ZZZ3: variants seen among roughly 807,000 people sequenced by gnomAD.
ZZZ3 encodes the protein ZZ-type zinc finger-containing protein 3.
ZZZ3 carries 22 observed loss-of-function variants against 95.2 expected under a neutral mutation model. That is an observed-to-expected ratio of 0.23 (90% CI 0.17 to 0.33). The LOEUF is 0.33. ZZZ3 is among the 10% of genes least tolerant of loss of function. The pLI, the probability that ZZZ3 is intolerant of heterozygous loss-of-function variation, is 1.00. For synonymous variants in ZZZ3, 335 were observed against 358.9 expected (o/e 0.93, Z 0.75); for missense variants, 885 against 1,066.5 (o/e 0.83, Z 2.37).
chr1:77,682,263 T>C (rs982129546), intron 1 of ZZZ3, among the ~76,000 whole-genome samples: 3 of 152,176 alleles, frequency 2.0e-5, no homozygotes, highest in African/African-American at 4.8e-5. Flanking sequence ...TGGAATACTT[T>C]AGAAAATGGC....
At chr1:77,611,699 T>C (rs1348419130) in intron 5 of ZZZ3, among the ~76,000 whole-genome samples, 3 of 152,038 alleles carry the variant, frequency 2.0e-5, no homozygotes, top group African/African-American at 7.2e-5. Context: ...AGTCAATTGG[T>C]CTTTGACAAA....
At chr1:77,665,724 GAA>G (rs1671186058) in intron 1 of ZZZ3, among the ~76,000 whole-genome samples, 1 of 152,114 alleles carries the variant, frequency 6.6e-6, no homozygotes, top group East Asian at 1.9e-4. Context: ...TAAAGCTAGA[GAA>G]AATATAAAAT....
At chr1:77,616,122 G>A (rs529537382) in intron 5 of ZZZ3, among the ~76,000 whole-genome samples, 1 of 152,120 alleles carries the variant, frequency 6.6e-6, no homozygotes, top group East Asian at 1.9e-4. Flanking sequence ...CCCTGCTCTT[G>A]AGGAAATCAT....
chr1:77,576,519 G>T (rs1037571801), intron 11 of ZZZ3, among the ~76,000 whole-genome samples: 1 of 152,044 alleles, frequency 6.6e-6, no homozygotes, highest in African/African-American at 2.4e-5. Flanking sequence ...TCAAATGCTG[G>T]CTGCACTGAA....
Position 77,639,511 on chromosome 1 carries a change from T to C in ZZZ3, c.-114A>G, listed in dbSNP as rs1356386445. ...CTCTTTTCCTTATATCCTGAAGGAG[T>C]TGGAGCTATGATCTAGAATGGAGCT... On this transcript the variant is annotated 5_prime_UTR_variant, in exon 4 of 15. Transcript: ENST00000370801. 1 of 1,465,982 alleles carries C rather than the reference T, an allele frequency of 6.8e-7. No homozygotes were observed. The highest frequency in any genetic ancestry group is 9.1e-7 in the Non-Finnish European group (1 of 1,101,014). 90.8% of individuals were successfully genotyped at this position (1,465,982 alleles called of 1,614,324 possible).
intron 5 of ZZZ3, among the ~76,000 whole-genome samples, chr1:77,603,103 G>A (rs1407743064): frequency 6.6e-6 from 1 of 150,642 alleles, no homozygotes; most frequent in Non-Finnish European, 1.5e-5. Context: ...TTTAAACAGA[G>A]TCTTGCTCTG....
chr1:77,646,892 C>T (rs980289550), intron 1 of ZZZ3, among the ~76,000 whole-genome samples: 1 of 152,044 alleles, frequency 6.6e-6, no homozygotes, highest in African/African-American at 2.4e-5. Context: ...TAGGGGAGGC[C>T]AAGGTAGCTA....
At chr1:77,676,046 G>C (rs1672236575) in intron 1 of ZZZ3, among the ~76,000 whole-genome samples, 1 of 152,210 alleles carries the variant, frequency 6.6e-6, no homozygotes. Flanking sequence ...ATATCAAGTT[G>C]TATACTGCTG....
chr1:77,609,227 AG>A (rs1419712880), intron 5 of ZZZ3, among the ~76,000 whole-genome samples: 2 of 152,206 alleles, frequency 1.3e-5, no homozygotes, highest in African/African-American at 4.8e-5. Flanking sequence ...AAAAAAGAGC[AG>A]GAATAGCTAT....
At chr1:77,616,880 TAAATA>T (rs906174192) in intron 5 of ZZZ3, among the ~76,000 whole-genome samples, 2 of 151,710 alleles carry the variant, frequency 1.3e-5, no homozygotes, top group African/African-American at 4.8e-5. Context: ...AATAAATAAA[TAAATA>T]AAATAAAAAT....
chr1:77,651,188 A>C (rs1190178317), intron 1 of ZZZ3, among the ~76,000 whole-genome samples: 1 of 152,150 alleles, frequency 6.6e-6, no homozygotes, highest in African/African-American at 2.4e-5. Context: ...GTTCACGACC[A>C]GCCTGGGCAA....
intron 7 of ZZZ3, 27 bp from the exon 8 acceptor site, chr1:77,581,918 T>G: frequency 6.2e-7 from 1 of 1,606,404 alleles, no homozygotes; most frequent in Middle Eastern, 1.7e-4. Flanking sequence ...CATACAGAAC[T>G]GTTAAAGCAA....
Position 77,632,889 on chromosome 1 carries a change from C to G in ZZZ3, c.466G>C (p.Asp156His). The G allele has an allele frequency of 1.9e-6, 3 of 1,614,184 alleles. No individual in the cohort carries two copies. The highest frequency in any genetic ancestry group is 1.7e-6 in the Non-Finnish European group (2 of 1,180,028). Reference sequence around the variant, plus strand: ...CAAGCTCGTTTAGTCCCTTGAAAATCTGCATCATTGTCCACTACTGTACTC... The same window carrying G: ...CAAGCTCGTTTAGTCCCTTGAAAATGTGCATCATTGTCCACTACTGTACTC... ...QRSTVVDNDA[D>H]FQGTKRACRC... Residue 156 changes from aspartate to histidine, a missense_variant, in exon 5 of 15, where the codon GAT (aspartate) becomes CAT (histidine). Coordinates refer to ENST00000370801, the MANE Select transcript of ZZZ3 (RefSeq NM_015534.6).
chr1:77,611,464 T>C (rs1665804474), intron 5 of ZZZ3, among the ~76,000 whole-genome samples: 1 of 151,916 alleles, frequency 6.6e-6, no homozygotes, highest in African/African-American at 2.4e-5. Flanking sequence ...TCATTTTTCA[T>C]AGATATAGAA....
intron 5 of ZZZ3, among the ~76,000 whole-genome samples, chr1:77,606,329 A>G (rs1317801387): frequency 6.6e-6 from 1 of 152,180 alleles, no homozygotes; most frequent in Non-Finnish European, 1.5e-5. Flanking sequence ...AGGAGAATAG[A>G]ACACCAGGTA....
At chr1:77,573,785 CTTTTA>C (rs1198913670) in intron 12 of ZZZ3, among the ~76,000 whole-genome samples, 1 of 152,084 alleles carries the variant, frequency 6.6e-6, no homozygotes, top group African/African-American at 2.4e-5. Context: ...AAGGAGCTTA[CTTTTA>C]TTTGATAACT....
At chr1:77,617,087 C>A (rs1449722079) in intron 5 of ZZZ3, among the ~76,000 whole-genome samples, 1 of 151,792 alleles carries the variant, frequency 6.6e-6, no homozygotes, top group Non-Finnish European at 1.5e-5. Flanking sequence ...TGTGCATACC[C>A]TGGTATGCAC....
At chr1:77,639,382 CAA>C (rs368871384) in intron 4 of ZZZ3, 65 bp downstream of exon 4, 1,663 of 1,042,018 alleles carry the variant, frequency 1.6e-3, no homozygotes, top group South Asian at 4.9e-3. Context: ...CTCCCCATCT[CAA>C]AAAAAAAAAA....
intron 5 of ZZZ3, among the ~76,000 whole-genome samples, chr1:77,615,849 G>C (rs1488372280): frequency 6.6e-6 from 1 of 151,980 alleles, no homozygotes; most frequent in Non-Finnish European, 1.5e-5. Flanking sequence ...ATAAAACTTG[G>C]TAATTCAGTA....
Sources: allele counts gnomAD v4.1 joint callset (sites outside exome capture counted in the v4.1 genomes callset), GRCh38; gene constraint gnomAD v4.1.1; transcripts MANE v1.5; gene names NCBI Gene and HGNC (gene_info 2026-07-23, HGNC 2026-07-21).